The following UBR3 variants were observed in gnomAD, a reference collection of about 807,000 sequenced individuals.
The protein encoded by UBR3 is ubiquitin protein ligase E3 component n-recognin 3.
In UBR3, 85 loss-of-function variants were observed where a neutral mutation model predicts 243.2. The ratio of observed to expected loss-of-function variants is 0.35; its 90% CI spans 0.29 to 0.42. The LOEUF is 0.42. Among genes scored for constraint, UBR3 ranks in the 10% least tolerant of loss-of-function variants. The probability of loss-of-function intolerance (pLI) is 1.00; values close to 1 mark genes in which losing one functional copy is unlikely to be tolerated. For synonymous variants in UBR3, 748 were observed against 799.8 expected, an observed-to-expected ratio of 0.94 and a Z score of 1.09; for missense variants, 1,686 against 2,300.8, an observed-to-expected ratio of 0.73 and a Z score of 5.47.
At chr2:169,845,494 C>T (rs761916580) in intron 1 of UBR3, among the ~76,000 whole-genome samples, 11 of 31,572 alleles carry the variant, frequency 3.5e-4, no homozygotes, top group Non-Finnish European at 6.7e-4. Flanking sequence ...TTTCCCTCTT[C>T]GTCGTCATCG....
intron 10 of UBR3, among the ~76,000 whole-genome samples, chr2:169,913,139 G>C (rs1355663835): frequency 1.3e-5 from 2 of 152,010 alleles, no homozygotes; most frequent in Non-Finnish European, 2.9e-5. Flanking sequence ...CAATATATGA[G>C]GATTCCAATT....
At chr2:169,829,822 C>T (rs1321963652) in intron 1 of UBR3, among the ~76,000 whole-genome samples, 1 of 52,180 alleles carries the variant, frequency 1.9e-5, no homozygotes, top group African/African-American at 3.7e-5. Context: ...AGTACACACA[C>T]ACACACACAC....
chr2:170,081,294 T>C (rs1331722262), intron 38 of UBR3, among the ~76,000 whole-genome samples: 1 of 151,674 alleles, frequency 6.6e-6, no homozygotes, highest in Non-Finnish European at 1.5e-5. Context: ...AGGTCAGGAG[T>C]TCGAGACCAG....
At chr2:169,897,738 T>C (rs938077148) in intron 8 of UBR3, among the ~76,000 whole-genome samples, 2 of 152,108 alleles carry the variant, frequency 1.3e-5, no homozygotes, top group African/African-American at 4.8e-5. Context: ...TGACCTCAGG[T>C]GATCCCCCTG....
chr2:170,013,820 G>GC (rs1456985074), intron 29 of UBR3: 12 of 445,624 alleles, frequency 2.7e-5, no homozygotes, highest in Non-Finnish European at 4.7e-5. Flanking sequence ...AGAGAATATA[G>GC]CCATTAATTT....
intron 26 of UBR3, among the ~76,000 whole-genome samples, chr2:169,995,734 T>C (rs1179812925): frequency 2.6e-5 from 4 of 152,254 alleles, no homozygotes; most frequent in African/African-American, 7.2e-5. Context: ...ATTTGATTCA[T>C]ATCTGCTACG....
intron 1 of UBR3, among the ~76,000 whole-genome samples, chr2:169,857,633 G>A (rs891899337): frequency 1.3e-5 from 2 of 151,212 alleles, no homozygotes; most frequent in African/African-American, 2.4e-5. Context: ...CACCATGTTG[G>A]CTAGGCTGAT....
intron 11 of UBR3, among the ~76,000 whole-genome samples, chr2:169,918,570 C>T (rs980023426): frequency 6.6e-6 from 1 of 151,678 alleles, no homozygotes; most frequent in African/African-American, 2.4e-5. Flanking sequence ...GATTCTCCTG[C>T]CTGGGCCTCC....
intron 29 of UBR3, among the ~76,000 whole-genome samples, chr2:170,012,098 G>GTGAA (rs1208243789): frequency 1.3e-5 from 2 of 152,096 alleles, no homozygotes; most frequent in African/African-American, 4.8e-5. Flanking sequence ...ACTCAATAGA[G>GTGAA]TGAATGTACC....
At chr2:169,863,167 T>G (rs2083146370) in intron 1 of UBR3, among the ~76,000 whole-genome samples, 1 of 152,228 alleles carries the variant, frequency 6.6e-6, no homozygotes, top group South Asian at 2.1e-4. Context: ...CCTCTCCTTT[T>G]GTTTCCTCTC....
intron 33 of UBR3, among the ~76,000 whole-genome samples, chr2:170,058,019 G>C (rs984666356): frequency 6.6e-6 from 1 of 152,048 alleles, no homozygotes; most frequent in Non-Finnish European, 1.5e-5. Context: ...ATGGATTTTG[G>C]TTTCCAAGGG....
chr2:169,963,386 T>C (rs2105370680), intron 24 of UBR3, among the ~76,000 whole-genome samples: 1 of 152,322 alleles, frequency 6.6e-6, no homozygotes, highest in South Asian at 2.1e-4. Context: ...TCATCATGTC[T>C]CTTTCTCCTC....
intron 30 of UBR3, among the ~76,000 whole-genome samples, chr2:170,027,219 CCGTA>C (rs2090552134): frequency 6.6e-6 from 1 of 151,390 alleles, no homozygotes; most frequent in South Asian, 2.1e-4. Context: ...ATGTATCTGC[CCGTA>C]TGTAAGCCCA....
intron 33 of UBR3, among the ~76,000 whole-genome samples, chr2:170,058,134 T>C (rs1020698073): frequency 6.6e-6 from 1 of 152,196 alleles, no homozygotes; most frequent in Non-Finnish European, 1.5e-5. Context: ...TTCTGCATCA[T>C]TGATTACTCT....
intron 1 of UBR3, among the ~76,000 whole-genome samples, chr2:169,828,296 G>A (rs2081812276): frequency 6.6e-6 from 1 of 152,210 alleles, no homozygotes. Context: ...GGGAAGCCAG[G>A]GTGGGTAAAT....
chr2:169,990,856 G>T (rs1042514469), intron 25 of UBR3, among the ~76,000 whole-genome samples: 1 of 72,934 alleles, frequency 1.4e-5, no homozygotes, highest in Non-Finnish European at 3.1e-5. Flanking sequence ...TAGCAAAAAG[G>T]AAGAATTAAT....
intron 36 of UBR3, among the ~76,000 whole-genome samples, chr2:170,075,693 C>G (rs1343394845): frequency 6.6e-6 from 1 of 152,084 alleles, no homozygotes; most frequent in African/African-American, 2.4e-5. Flanking sequence ...GATCCTGACC[C>G]TAGGTCAACC....
intron 31 of UBR3, among the ~76,000 whole-genome samples, chr2:170,032,869 A>G (rs1215182506): frequency 6.6e-6 from 1 of 152,024 alleles, no homozygotes; most frequent in Non-Finnish European, 1.5e-5. Context: ...ATTACTAAGT[A>G]TCTTATAGGG....
At chr2:169,951,325 A>G (rs909312825) in intron 23 of UBR3, among the ~76,000 whole-genome samples, 24 of 152,168 alleles carry the variant, frequency 1.6e-4, no homozygotes, top group Non-Finnish European at 1.2e-4. Context: ...AAATATAGGC[A>G]GTTATGGGTT....
Sources: gnomAD v4.1 joint callset for allele counts (sites outside exome capture counted in the v4.1 genomes callset) on GRCh38, gnomAD v4.1.1 for gene constraint, MANE v1.5 for transcripts, NCBI Gene and HGNC (gene_info 2026-07-23, HGNC 2026-07-21) for gene names.